Variants in VLDLR observed in about 807,000 individuals in gnomAD.
VLDLR encodes the protein very low density lipoprotein receptor.
VLDLR carries 81 observed loss-of-function variants against 112.7 expected under a neutral mutation model. The ratio of observed to expected loss-of-function variants is 0.72; its 90% CI spans 0.60 to 0.86. The LOEUF is 0.86. Among genes scored for constraint, VLDLR ranks in the 40% least tolerant of loss-of-function variants. The pLI, the probability that VLDLR is intolerant of heterozygous loss-of-function variation, is 0.00. For missense variants in VLDLR, 1,237 were observed against 1,099.4 expected (o/e 1.13, Z -1.77); for synonymous variants, 436 against 384.8 (o/e 1.13, Z -1.56).
At chr9:2,643,553 C>G in intron 5 of VLDLR, 22 bp downstream of exon 5, 3 of 1,614,208 alleles carry the variant, frequency 1.9e-6, no homozygotes, top group Non-Finnish European at 2.5e-6. Flanking sequence ...TCTAGCATGG[C>G]ATGTTCAGTT....
At chr9:2,627,724 G>C (rs550704997) in intron 1 of VLDLR, among the ~76,000 whole-genome samples, 1 of 152,146 alleles carries the variant, frequency 6.6e-6, no homozygotes, top group East Asian at 1.9e-4. Context: ...AATTAGCTGG[G>C]TGTGGTGGTG....
chr9:2,646,797 A>G (rs1818098602), intron 11 of VLDLR, among the ~76,000 whole-genome samples: 1 of 152,164 alleles, frequency 6.6e-6, no homozygotes, highest in African/African-American at 2.4e-5. Context: ...ATGAATTAAC[A>G]TTCCTGATTT....
chr9:2,644,053 A>G, intron 7 of VLDLR, 94 bp downstream of exon 7: 1 of 1,582,670 alleles, frequency 6.3e-7, no homozygotes, highest in Non-Finnish European at 8.6e-7. Flanking sequence ...GGCTAGTTAA[A>G]CTTTTGAATG....
At chr9:2,626,822 G>C (rs1817112721) in intron 1 of VLDLR, among the ~76,000 whole-genome samples, 1 of 152,088 alleles carries the variant, frequency 6.6e-6, no homozygotes, top group South Asian at 2.1e-4. Context: ...AAGTTTGTTA[G>C]AACTTAATAG....
At chr9:2,641,331 C>A in intron 3 of VLDLR, 46 bp from the exon 4 acceptor site, 1 of 1,613,018 alleles carries the variant, frequency 6.2e-7, no homozygotes. Flanking sequence ...AGCAGCTTTG[C>A]ATTGATCAGT....
chr9:2,652,896 C>T lies in VLDLR; in HGVS notation c.2533C>T (p.Leu845Phe), dbSNP rs1359376754. 1.2e-6 allele frequency: 2 copies of T among 1,613,946 alleles called. No homozygotes were observed. The highest frequency in any genetic ancestry group is 2.2e-5 in the East Asian group (1 of 44,882). ...GTACTTGAAAACCACTGAAGAGGAC[C>T]TCTCCATAGACATTGGTAGACACAG... The part of the protein sequence containing the change: ...PVYLKTTEED[L>F]SIDIGRHSAS... Residue 845 changes from leucine (L) to phenylalanine (F), a missense_variant, in exon 18 of 19, where the codon CTC (leucine) becomes TTC (phenylalanine). By Grantham distance (22) the Leu-to-Phe change is conservative. Coordinates refer to ENST00000382100, the MANE Select transcript of VLDLR (RefSeq NM_003383.5).
intron 2 of VLDLR, 91 bp downstream of exon 2, chr9:2,635,663 A>T: frequency 3.2e-6 from 5 of 1,585,534 alleles, no homozygotes; most frequent in South Asian, 1.1e-5. Flanking sequence ...AATAAAATCC[A>T]CTTCTAACAA....
Position 2,635,439 on chromosome 9 carries a change from CCTT to C in VLDLR, c.83-10_83-8del. 8 of 1,613,816 alleles carry C rather than the reference CCTT, an allele frequency of 5.0e-6. No homozygotes were observed. Among genetic ancestry groups the C allele is most frequent in the Non-Finnish European group, 6.8e-6 (8 of 1,179,792 alleles). On this transcript the variant is annotated splice_polypyrimidine_tract_variant and intron_variant, in intron 1 of 18. Transcript: ENST00000382100. Reference sequence around the variant, plus strand: ...CCAATCCTTGCTTTACCGAATGTTCCCTTCTTATTCTAGGGAGAAAAGCCAAAT... The same window carrying C: ...CCAATCCTTGCTTTACCGAATGTTCCCTTATTCTAGGGAGAAAAGCCAAAT...
At chr9:2,633,045 AGAGAGAGTGT>A (rs1394023897) in intron 1 of VLDLR, among the ~76,000 whole-genome samples, 69 of 113,724 alleles carry the variant, frequency 6.1e-4, no homozygotes, top group Non-Finnish European at 7.5e-4. Context: ...AGAGAGAGAG[AGAGAGAGTGT>A]GTGTGTGTGT....
chr9:2,630,641 A>G (rs1371640377), intron 1 of VLDLR, among the ~76,000 whole-genome samples: 1 of 152,236 alleles, frequency 6.6e-6, no homozygotes, highest in African/African-American at 2.4e-5. Context: ...TCGAAGGCCT[A>G]TGCAGTTTTT....
At chr9:2,639,610 G>C (rs1009533740) in intron 2 of VLDLR, among the ~76,000 whole-genome samples, 20 of 152,192 alleles carry the variant, frequency 1.3e-4, no homozygotes, top group African/African-American at 3.4e-4. Flanking sequence ...TCTCCGAGTT[G>C]TAAGATAATG....
At chr9:2,629,029 A>C (rs33984475) in intron 1 of VLDLR, among the ~76,000 whole-genome samples, 29,373 of 152,154 alleles carry the variant, frequency 0.19, 3,729 homozygotes, top group Non-Finnish European at 0.28. Flanking sequence ...GTGGTTCTCA[A>C]AGTGTGGACC....
At chr9:2,646,688 A>G (rs760495395) in intron 11 of VLDLR, 136 bp downstream of exon 11, 17 of 957,326 alleles carry the variant, frequency 1.8e-5, no homozygotes, top group Non-Finnish European at 2.6e-5. Context: ...CTAATTTAAG[A>G]TATCAGTTTT....
chr9:2,649,414 C>G (rs1304099386), intron 14 of VLDLR, among the ~76,000 whole-genome samples: 1 of 152,090 alleles, frequency 6.6e-6, no homozygotes, highest in East Asian at 1.9e-4. Context: ...TTTTTGGAGA[C>G]TGACTCTTGC....
intron 15 of VLDLR, among the ~76,000 whole-genome samples, chr9:2,650,750 T>C (rs546132950): frequency 1.3e-5 from 2 of 152,330 alleles, no homozygotes; most frequent in South Asian, 4.1e-4. Flanking sequence ...CACTAATTTG[T>C]ACCTAGTCCC....
rs1442795051 is a variant in VLDLR at position 2,659,478 on chromosome 9, G to C, written c.*5610G>C. On this transcript the variant is annotated 3_prime_UTR_variant, in exon 19 of 19. Transcript: ENST00000382100. ...TACCTTCAAGACGCTAGACATTCCAGAATTATTTTCCTTGGCCATCCAAGT... is the reference window on the plus strand; with the variant it reads ...TACCTTCAAGACGCTAGACATTCCACAATTATTTTCCTTGGCCATCCAAGT... 1 of 152,352 alleles carries C rather than the reference G, an allele frequency of 6.6e-6. No individual in the cohort carries two copies. Among genetic ancestry groups the C allele is most frequent in the African/African-American group, 2.4e-5 (1 of 41,584 alleles). The allele number at this position is 152,352 out of a possible 1,614,324, so 9.4% of individuals were successfully genotyped here. A position where few individuals can be genotyped will look rare whatever the true frequency, so the allele number is the denominator to read the frequency against.
intron 2 of VLDLR, among the ~76,000 whole-genome samples, chr9:2,637,613 A>C (rs950964631): frequency 6.7e-6 from 1 of 149,414 alleles, no homozygotes; most frequent in Non-Finnish European, 1.5e-5. Context: ...GTATACAGCC[A>C]ATCTTTCACA....
At chr9:2,628,313 A>G (rs758770348) in intron 1 of VLDLR, among the ~76,000 whole-genome samples, 2 of 152,164 alleles carry the variant, frequency 1.3e-5, no homozygotes, top group Non-Finnish European at 2.9e-5. Flanking sequence ...TCATTCAAGA[A>G]TACAATCTGA....
At chr9:2,653,010 C>T in intron 18 of VLDLR, 61 bp downstream of exon 18, 1 of 1,603,136 alleles carries the variant, frequency 6.2e-7, no homozygotes, top group Non-Finnish European at 8.5e-7. Context: ...AGAAAGGAGA[C>T]CTGGGTGAGA....
Sources: gnomAD v4.1 joint callset for allele counts (sites outside exome capture counted in the v4.1 genomes callset) on GRCh38, gnomAD v4.1.1 for gene constraint, MANE v1.5 for transcripts, NCBI Gene and HGNC (gene_info 2026-07-23, HGNC 2026-07-21) for gene names.